The following PAN3 variants were observed in gnomAD, a reference collection of about 807,000 sequenced individuals.
PAN3 encodes PAN2-PAN3 deadenylation complex subunit PAN3.
Under a neutral mutation model 96.2 loss-of-function variants are expected in PAN3, and 19 were observed. The ratio of observed to expected loss-of-function variants is 0.20; its 90% CI spans 0.14 to 0.29. The LOEUF (loss-of-function observed/expected upper bound fraction) is 0.29. Among genes scored for constraint, PAN3 ranks in the 10% least tolerant of loss-of-function variants. The pLI, the probability that PAN3 is intolerant of heterozygous loss-of-function variation, is 1.00. For missense variants in PAN3, 882 were observed against 1,108.1 expected, an observed-to-expected ratio of 0.80 and a Z score of 2.90; for synonymous variants, 433 against 406.6, an observed-to-expected ratio of 1.06 and a Z score of -0.78.
At chr13:28,202,096 T>C (rs763521810) in intron 5 of PAN3, among the ~76,000 whole-genome samples, 16 of 152,130 alleles carry the variant, frequency 1.1e-4, no homozygotes, top group Non-Finnish European at 1.8e-4. Context: ...CTAACACTTA[T>C]TATAAGAAGG....
intron 17 of PAN3, among the ~76,000 whole-genome samples, chr13:28,287,393 G>A (rs944143033): frequency 1.3e-5 from 2 of 151,988 alleles, no homozygotes; most frequent in African/African-American, 2.4e-5. Context: ...ATTCATCTTC[G>A]TTTTATATCA....
chr13:28,202,932 GCTA>G (rs890280271), intron 5 of PAN3, among the ~76,000 whole-genome samples: 6 of 152,008 alleles, frequency 3.9e-5, no homozygotes, highest in African/African-American at 1.2e-4. Flanking sequence ...GTTTTTAAAT[GCTA>G]CTGTTTAATT....
intron 12 of PAN3, among the ~76,000 whole-genome samples, chr13:28,269,036 G>C (rs1426157189): frequency 1.3e-5 from 2 of 152,086 alleles, no homozygotes; most frequent in African/African-American, 4.8e-5. Context: ...AATGACTGTT[G>C]GCTTTAATTT....
chr13:28,290,728 A>G (rs1869652354), intron 18 of PAN3, among the ~76,000 whole-genome samples: 1 of 152,150 alleles, frequency 6.6e-6, no homozygotes, highest in South Asian at 2.1e-4. Context: ...TCATTGAACT[A>G]ATTCAGTATG....
chr13:28,230,576 G>C (rs1882440088), intron 6 of PAN3, among the ~76,000 whole-genome samples: 2 of 152,046 alleles, frequency 1.3e-5, no homozygotes, highest in Non-Finnish European at 2.9e-5. Context: ...GAAAATAAGA[G>C]AAAACAACTA....
chr13:28,223,198 T>TTTATACAAATA (rs1254450687), intron 6 of PAN3, among the ~76,000 whole-genome samples: 1 of 152,194 alleles, frequency 6.6e-6, no homozygotes, highest in African/African-American at 2.4e-5. Flanking sequence ...GAAATAAAAC[T>TTTATACAAATA]TTATACAAAT....
chr13:28,164,457 G>A (rs981532249), intron 1 of PAN3, among the ~76,000 whole-genome samples: 1 of 152,220 alleles, frequency 6.6e-6, no homozygotes, highest in Non-Finnish European at 1.5e-5. Flanking sequence ...TTTAGCGTGA[G>A]CATCGCCAGC....
rs1210932214 is a variant in PAN3, at chr13:28,293,046, A to G, written c.*524A>G. The stretch of plus-strand genomic sequence containing the variant: ...TACGTAATTCTTGTAAGAGTATCGT[A>G]TGCAAGCTCTCTGTATGCCACCCAC... On this transcript the variant is annotated 3_prime_UTR_variant, in exon 19 of 19. Transcript: ENST00000380958. The G allele has an allele frequency of 6.6e-6, 1 of 152,222 alleles. No individual in the cohort carries two copies. Among genetic ancestry groups the G allele is most frequent in the Non-Finnish European group, 1.5e-5 (1 of 68,050 alleles). 9.4% of individuals were successfully genotyped at this position (152,222 alleles called of 1,614,324 possible).
At chr13:28,224,921 T>G (rs1881835323) in intron 6 of PAN3, among the ~76,000 whole-genome samples, 1 of 152,198 alleles carries the variant, frequency 6.6e-6, no homozygotes, top group African/African-American at 2.4e-5. Context: ...TCACTCAGCC[T>G]TTGTTGCATA....
intron 7 of PAN3, among the ~76,000 whole-genome samples, chr13:28,257,701 A>ATATATATTGTATATAATTAATATATAT (rs1885271726): frequency 2.2e-5 from 3 of 138,716 alleles, no homozygotes; most frequent in African/African-American, 8.0e-5. Flanking sequence ...AATATATATT[A>ATATATATTGTATATAATTAATATATAT]TATATATTAT....
At chr13:28,216,001 G>A (rs1593491436) in intron 5 of PAN3, 2 of 683,460 alleles carry the variant, frequency 2.9e-6, no homozygotes, top group East Asian at 2.5e-5. Context: ...TAAAAGACTG[G>A]TTAAAGATAA....
intron 6 of PAN3, among the ~76,000 whole-genome samples, chr13:28,235,680 T>TACACACACACACACACAC (rs1555285712): frequency 9.1e-6 from 1 of 109,536 alleles, no homozygotes; most frequent in African/African-American, 4.3e-5. Flanking sequence ...CTTTCTCTAA[T>TACACACACACACACACAC]ATACACACAC....
intron 5 of PAN3, among the ~76,000 whole-genome samples, chr13:28,213,396 AAT>A (rs1466710575): frequency 6.6e-6 from 1 of 152,180 alleles, no homozygotes; most frequent in Non-Finnish European, 1.5e-5. Flanking sequence ...CACTGGAAAT[AAT>A]ACAAATTGTA....
At chr13:28,232,838 T>A (rs1882718868) in intron 6 of PAN3, among the ~76,000 whole-genome samples, 1 of 152,142 alleles carries the variant, frequency 6.6e-6, no homozygotes, top group Admixed American at 6.5e-5. Context: ...TATGTTAGGC[T>A]AAAATTGTAA....
intron 6 of PAN3, among the ~76,000 whole-genome samples, chr13:28,242,417 A>G (rs1883758354): frequency 6.6e-6 from 1 of 152,280 alleles, no homozygotes; most frequent in African/African-American, 2.4e-5. Context: ...TCCCATCTAC[A>G]CAGTGTGCCA....
intron 5 of PAN3, among the ~76,000 whole-genome samples, chr13:28,212,314 A>G (rs1254057791): frequency 6.6e-6 from 1 of 152,226 alleles, no homozygotes; most frequent in Non-Finnish European, 1.5e-5. Context: ...TCCTCCTGAC[A>G]AAACTTAAAA....
At chr13:28,217,632 G>T (rs1263564197) in intron 5 of PAN3, among the ~76,000 whole-genome samples, 1 of 151,810 alleles carries the variant, frequency 6.6e-6, no homozygotes, top group Non-Finnish European at 1.5e-5. Flanking sequence ...TTGAGTGTAT[G>T]AGAATCTTAG....
At chr13:28,253,775 T>G (rs1884929814) in intron 6 of PAN3, among the ~76,000 whole-genome samples, 1 of 152,040 alleles carries the variant, frequency 6.6e-6, no homozygotes, top group Non-Finnish European at 1.5e-5. Context: ...GCACTCAGCT[T>G]ACATTTGAAT....
chr13:28,251,109 C>G (rs968766092), intron 6 of PAN3, among the ~76,000 whole-genome samples: 3 of 151,670 alleles, frequency 2.0e-5, no homozygotes, highest in Non-Finnish European at 4.4e-5. Flanking sequence ...GATGTTTTTT[C>G]CCTTTAATTT....
Sources: allele counts gnomAD v4.1 joint callset (sites outside exome capture counted in the v4.1 genomes callset), GRCh38; gene constraint gnomAD v4.1.1; transcripts MANE v1.5; gene names NCBI Gene and HGNC (gene_info 2026-07-23, HGNC 2026-07-21).